The following AP2A2 variants were observed in gnomAD, a reference collection of about 807,000 sequenced individuals.
AP2A2 encodes the protein AP-2 complex subunit alpha-2.
In AP2A2, 32 loss-of-function variants were observed where a neutral mutation model predicts 104.2. The observed-to-expected ratio is 0.31, with a 90% confidence interval of 0.23 to 0.41. The LOEUF is 0.41. AP2A2 is among the 10% of genes least tolerant of loss of function. The pLI, the probability that AP2A2 is intolerant of heterozygous loss-of-function variation, is 1.00. For synonymous variants in AP2A2, 539 were observed against 533.3 expected, an observed-to-expected ratio of 1.01 and a Z score of -0.15; for missense variants, 912 against 1,261.0, an observed-to-expected ratio of 0.72 and a Z score of 4.19.
intron 1 of AP2A2, among the ~76,000 whole-genome samples, chr11:944,996 T>C (rs550119481): frequency 6.6e-6 from 1 of 152,138 alleles, no homozygotes; most frequent in East Asian, 1.9e-4. Context: ...CTCAGGCCTT[T>C]GTAATGCAGA....
intron 1 of AP2A2, among the ~76,000 whole-genome samples, chr11:929,106 A>T (rs1482686585): frequency 1.3e-5 from 2 of 152,222 alleles, no homozygotes; most frequent in Non-Finnish European, 2.9e-5. Context: ...TAATTAATGT[A>T]TATACGTATT....
rs1287059499 is a variant in AP2A2 at position 959,417 on chromosome 11, C to T, written c.68-20C>T. ...TAGAAATCAATTAAAATAAAAATGG[C>T]TTTTTGTTCTTTTTTTTAGGTAAAA... On this transcript the variant is annotated intron_variant, in intron 1 of 21. Coordinates refer to ENST00000448903, the MANE Select transcript of AP2A2 (RefSeq NM_012305.4). The T allele has an allele frequency of 1.4e-6, 2 of 1,471,270 alleles. No individual in the cohort carries two copies. The allele number at this position is 1,471,270 out of a possible 1,614,324, so 91.1% of individuals were successfully genotyped here.
rs779563376 is a variant in AP2A2 at position 1,011,366 on chromosome 11, G to C, written c.*741G>C. On this transcript the variant is annotated 3_prime_UTR_variant, in exon 22 of 22. Transcript: ENST00000448903. ...AGGACTCCAGGGTAAAGTGTGGGCCGGTGGCGCAAGACTCAGAGGTGTGCT... is the reference window on the plus strand; with the variant it reads ...AGGACTCCAGGGTAAAGTGTGGGCCCGTGGCGCAAGACTCAGAGGTGTGCT... 1.9e-6 allele frequency: 1 copy of C among 518,062 alleles called. No homozygotes were observed. The highest frequency in any genetic ancestry group is 5.5e-5 in the East Asian group (1 of 18,330). 32.1% of individuals were successfully genotyped at this position (518,062 alleles called of 1,614,324 possible).
At position 959,642 on chromosome 11, in the gene AP2A2, G is replaced by C; in HGVS notation, c.136+137G>C. The C allele has an allele frequency of 4.6e-6, 3 of 647,590 alleles. No individual in the cohort carries two copies. In the South Asian group the frequency reaches 6.0e-5, roughly 13 times the overall value. 40.1% of individuals were successfully genotyped at this position (647,590 alleles called of 1,614,324 possible). A position where few individuals can be genotyped will look rare whatever the true frequency, so the allele number is the denominator to read the frequency against. On this transcript the variant is annotated intron_variant, in intron 2 of 21. Coordinates refer to ENST00000448903, the MANE Select transcript of AP2A2 (RefSeq NM_012305.4). ...TTTGTACAGTTTCTATCAGGGCCCT[G>C]TCAGAATTAGGAAATGGCATGTGTG...
chr11:991,945 G>A (rs187154310), intron 10 of AP2A2, among the ~76,000 whole-genome samples: 3 of 152,276 alleles, frequency 2.0e-5, no homozygotes, highest in Non-Finnish European at 4.4e-5. Context: ...CATGTGGGTG[G>A]CTGCCACGTG....
At chr11:986,221 T>C (rs7395303) in intron 8 of AP2A2, among the ~76,000 whole-genome samples, 2 of 152,234 alleles carry the variant, frequency 1.3e-5, no homozygotes, top group East Asian at 1.9e-4. Flanking sequence ...CTCTACAGCT[T>C]GTGAACACCA....
intron 6 of AP2A2, among the ~76,000 whole-genome samples, chr11:982,185 G>A (rs895373275): frequency 6.6e-6 from 1 of 152,144 alleles, no homozygotes; most frequent in African/African-American, 2.4e-5. Context: ...AGAGTAGCTG[G>A]GATTACAGGC....
At chr11:940,946 T>C in intron 1 of AP2A2, 4 of 456,050 alleles carry the variant, frequency 8.8e-6, no homozygotes, top group Non-Finnish European at 1.8e-5. Flanking sequence ...GGATGGGGCA[T>C]CTCACCCCTC....
intron 1 of AP2A2, among the ~76,000 whole-genome samples, chr11:949,480 A>T (rs1475120281): frequency 6.6e-6 from 1 of 152,188 alleles, no homozygotes; most frequent in East Asian, 1.9e-4. Flanking sequence ...AACAACGTAT[A>T]AAAAGGATTA....
intron 1 of AP2A2, among the ~76,000 whole-genome samples, chr11:955,160 G>A (rs532016316): frequency 1.3e-5 from 2 of 152,340 alleles, no homozygotes. Context: ...ACAGATCTGT[G>A]TACACCTTTG....
chr11:957,728 G>C (rs1854284870), intron 1 of AP2A2, among the ~76,000 whole-genome samples: 1 of 152,244 alleles, frequency 6.6e-6, no homozygotes, highest in Non-Finnish European at 1.5e-5. Flanking sequence ...ACCAACAACT[G>C]TTTGCCCTGC....
chr11:941,705 A>G (rs1853651074), intron 1 of AP2A2, among the ~76,000 whole-genome samples: 1 of 151,188 alleles, frequency 6.6e-6, no homozygotes, highest in Admixed American at 6.6e-5. Context: ...CTCCCACCTC[A>G]GCCTCCCAAG....
chr11:990,162 G>A (rs1855598009), intron 10 of AP2A2, among the ~76,000 whole-genome samples: 5 of 152,194 alleles, frequency 3.3e-5, no homozygotes. Context: ...AGAGAGCAGG[G>A]GCCAGGAGGC....
chr11:934,960 G>A (rs534944050), intron 1 of AP2A2, among the ~76,000 whole-genome samples: 31 of 151,956 alleles, frequency 2.0e-4, no homozygotes, highest in South Asian at 1.5e-3. Flanking sequence ...CTGGGTTCAA[G>A]CGATTCTCCT....
At chr11:987,532 G>C (rs1267295247) in intron 9 of AP2A2, among the ~76,000 whole-genome samples, 2 of 152,064 alleles carry the variant, frequency 1.3e-5, no homozygotes, top group Non-Finnish European at 2.9e-5. Flanking sequence ...GCCGGTGCCT[G>C]TAGTCCCAGC....
At chr11:930,195 A>G (rs1853243986) in intron 1 of AP2A2, among the ~76,000 whole-genome samples, 1 of 150,648 alleles carries the variant, frequency 6.6e-6, no homozygotes, top group South Asian at 2.1e-4. Flanking sequence ...GGACACTAGG[A>G]TGCTCTGTTT....
In AP2A2 at chr11:983,585, G is replaced by A. The variant is rs557538532; in HGVS notation, c.706-1060G>A. ...TTTTTAGTAGAGATGGGGTTTCACT[G>A]TGTTAGCCAGGATGGTCTCGATCTC... On this transcript the variant is annotated intron_variant, in intron 6 of 21. Coordinates refer to ENST00000448903, the MANE Select transcript of AP2A2 (RefSeq NM_012305.4). 2.1e-3 allele frequency among the ~76,000 whole-genome samples: 318 copies of A among 151,898 alleles called. 3 individuals carry two copies. The highest frequency in any genetic ancestry group is 3.4e-3 in the Middle Eastern group (1 of 294).
rs772751175 is a variant in AP2A2, at chr11:1,000,509, C to T, written c.2034C>T (p.Ser678=). ...CCCCCGCGGGCCCCCCACCCTCCTC[C>T]GGCGGCAGCGGGCTGCTCGTGGACG... ...PPAPAGPPPS[S]GGSGLLVDVF... Residue 678 remains serine (S), a synonymous_variant, in exon 15 of 22, where the codon TCC becomes TCT. Coordinates refer to ENST00000448903, the MANE Select transcript of AP2A2 (RefSeq NM_012305.4). The T allele has an allele frequency of 1.2e-5, 18 of 1,540,822 alleles. No homozygotes were observed. The highest frequency in any genetic ancestry group is 3.6e-5 in the South Asian group (3 of 84,166).
At chr11:1,007,763 G>C in intron 17 of AP2A2, 1 of 586,850 alleles carries the variant, frequency 1.7e-6, no homozygotes, top group South Asian at 2.0e-5. Context: ...AAACAGACAA[G>C]TAGTATATAA....
Sources: gnomAD v4.1 joint callset for allele counts (sites outside exome capture counted in the v4.1 genomes callset) on GRCh38, gnomAD v4.1.1 for gene constraint, MANE v1.5 for transcripts, NCBI Gene and HGNC (gene_info 2026-07-23, HGNC 2026-07-21) for gene names.